Variants in ZUP1 observed in about 807,000 individuals in gnomAD.
ZUP1 encodes zinc finger-containing ubiquitin peptidase 1.
Under a neutral mutation model 68.1 loss-of-function variants are expected in ZUP1, and 55 were observed. The observed-to-expected ratio is 0.81, with a 90% CI of 0.65 to 1.01. The LOEUF is 1.01. Ranked by LOEUF, ZUP1 falls within the 50% of genes least tolerant of loss-of-function variation. The probability of loss-of-function intolerance (pLI) is 0.00; values close to 1 mark genes in which losing one functional copy is unlikely to be tolerated. For synonymous variants in ZUP1, 223 were observed against 221.5 expected (o/e 1.01, Z -0.06); for missense variants, 684 against 674.9 (o/e 1.01, Z -0.15).
intron 7 of ZUP1, among the ~76,000 whole-genome samples, chr6:116,650,218 T>G (rs1415116037): frequency 6.7e-6 from 1 of 150,180 alleles, no homozygotes; most frequent in African/African-American, 2.5e-5. Context: ...TGGTCAAGAG[T>G]TGAGACCAGC....
chr6:116,638,834 C>T (rs900784450), intron 9 of ZUP1, among the ~76,000 whole-genome samples: 5 of 152,100 alleles, frequency 3.3e-5, no homozygotes, highest in African/African-American at 7.2e-5. Flanking sequence ...AGACAGTGGG[C>T]GCAGGACAGT....
chr6:116,660,663 ATC>A (rs1491082491), intron 3 of ZUP1, 71 bp downstream of exon 3: 11 of 781,212 alleles, frequency 1.4e-5, no homozygotes, highest in Middle Eastern at 2.7e-4. Flanking sequence ...CATATCACAA[ATC>A]TAAAAATTAG....
intron 7 of ZUP1, among the ~76,000 whole-genome samples, chr6:116,650,849 G>T (rs1156315122): frequency 1.3e-5 from 2 of 152,082 alleles, no homozygotes; most frequent in Non-Finnish European, 2.9e-5. Flanking sequence ...ATTATGATGG[G>T]CTAAGAGAAG....
In ZUP1 at chr6:116,651,586, G is replaced by A; in HGVS notation, c.1302C>T (p.Thr434=). The A allele has an allele frequency of 1.2e-6, 2 of 1,612,268 alleles. No individual in the cohort carries two copies. Among genetic ancestry groups the A allele is most frequent in the Non-Finnish European group, 1.7e-6 (2 of 1,179,140 alleles). ...AAGGTACATACTTTACCCTTAGGGA[G>A]GTCAGGAGTATATATACTTCACATG... ...IGACEVYILL[T]SLRVKCHIVD... The change falls in exon 7 of 10, where the codon ACC becomes ACT. Residue 434 remains threonine (T), a synonymous_variant. Coordinates refer to ENST00000368576, the MANE Select transcript of ZUP1 (RefSeq NM_145062.3).
intron 8 of ZUP1, among the ~76,000 whole-genome samples, chr6:116,646,507 T>G (rs1776314331): frequency 6.6e-6 from 1 of 152,292 alleles, no homozygotes; most frequent in Middle Eastern, 3.4e-3. Flanking sequence ...GAACTTATAT[T>G]CTAATAGGAA....
intron 4 of ZUP1, among the ~76,000 whole-genome samples, chr6:116,658,569 G>A (rs561775321): frequency 3.9e-5 from 6 of 152,280 alleles, no homozygotes; most frequent in East Asian, 1.9e-4. Context: ...AAAAGGGGGC[G>A]TGGGAGGGCC....
chr6:116,637,242 G>A (rs1310758171), intron 9 of ZUP1, among the ~76,000 whole-genome samples: 2 of 152,058 alleles, frequency 1.3e-5, no homozygotes, highest in Non-Finnish European at 2.9e-5. Context: ...GCTACCTTAG[G>A]AATACAATTT....
rs545866172 is a variant in ZUP1 at position 116,638,733 on chromosome 6, C to T, written c.1690-2854G>A. 1.4e-4 allele frequency among the ~76,000 whole-genome samples: 22 copies of T among 152,238 alleles called. 1 individual carries two copies. The South Asian group carries it at 3.7e-3, about 26-fold the overall frequency. On this transcript the variant is annotated intron_variant, in intron 9 of 9. Transcript: ENST00000368576. ...CAAGATGGCCGAATAGGAACAGCTC[C>T]GGTCTACAGCTCCCAGCATGAGTGA... is the stretch of plus-strand genomic sequence containing the variant.
At position 116,666,877 on chromosome 6, in the gene ZUP1, T is replaced by C; in HGVS notation, c.316A>G (p.Asn106Asp). 2 of 1,610,648 alleles carry C rather than the reference T, an allele frequency of 1.2e-6. No individual in the cohort carries two copies. Among genetic ancestry groups the C allele is most frequent in the Non-Finnish European group, 1.7e-6 (2 of 1,178,932 alleles). ...ASNHPKNSAQ[N>D]LTKDSTLKHE... ...TTTAAAGTACTATCTTTAGTCAGGT[T>C]TTGAGCTGAATTTTTTGGATGATTA... The change falls in exon 2 of 10, where the codon AAC (asparagine) becomes GAC (aspartate). Residue 106 changes from asparagine (N) to aspartate (D), a missense_variant. Coordinates refer to ENST00000368576, the MANE Select transcript of ZUP1 (RefSeq NM_145062.3).
At position 116,656,746 on chromosome 6, in the gene ZUP1, C is replaced by G. The variant is rs763490869; in HGVS notation, c.899G>C (p.Arg300Thr). ...TAATGATTCCATCATATCAGCTTTT[C>G]TCCTATGAAATTCAGATGGAGGCAT... ...GRMPPSEFHRRKADMMESLAL... is the reference protein window; with the variant it reads ...GRMPPSEFHRTKADMMESLAL... Residue 300 changes from arginine (R) to threonine (T), a missense_variant, in exon 5 of 10, where the codon AGA becomes ACA. Arg to Thr is a moderately conservative substitution (Grantham distance 71, BLOSUM62 -1). Transcript: ENST00000368576. The G allele has an allele frequency of 6.2e-7, 1 of 1,612,064 alleles. No homozygotes were observed. Among genetic ancestry groups the G allele is most frequent in the Non-Finnish European group, 8.5e-7 (1 of 1,179,292 alleles).
intron 2 of ZUP1, among the ~76,000 whole-genome samples, chr6:116,664,961 T>A (rs1325854764): frequency 3.3e-5 from 5 of 152,042 alleles, no homozygotes; most frequent in Admixed American, 2.6e-4. Context: ...TTTTAGAATA[T>A]ATGAGAATAG....
chr6:116,656,495 A>G lies in ZUP1; in HGVS notation c.961+189T>C, dbSNP rs184057846. On this transcript the variant is annotated intron_variant, in intron 5 of 9. Transcript: ENST00000368576. ...CATAGCTTTTTAAATGTCAAGTAAC[A>G]TAATATAAAAGTAAATTTTTAAGTG... 7.9e-5 allele frequency among the ~76,000 whole-genome samples: 12 copies of G among 152,332 alleles called. No homozygotes were observed. The East Asian group carries it at 2.3e-3, about 29-fold the overall frequency.
intron 7 of ZUP1, among the ~76,000 whole-genome samples, chr6:116,650,422 CAAAAAAAAAAAAA>C (rs61692064): frequency 2.1e-5 from 1 of 46,552 alleles, no homozygotes; most frequent in Non-Finnish European, 3.9e-5. Context: ...AACTCCGTCT[CAAAAAAAAAAAAA>C]AAAAAAAAAA....
intron 9 of ZUP1, among the ~76,000 whole-genome samples, chr6:116,643,674 T>A (rs546293792): frequency 3.0e-4 from 45 of 152,274 alleles, no homozygotes; most frequent in African/African-American, 1.1e-3. Context: ...TTACACCTTA[T>A]ACAAAAATTA....
Position 116,656,068 on chromosome 6 carries a change from CTTTTTTTTGTT to C in ZUP1, c.961+605_961+615del, listed in dbSNP as rs528046574. 7.3e-3 allele frequency among the ~76,000 whole-genome samples: 959 copies of C among 130,768 alleles called. 13 individuals carry two copies. Among genetic ancestry groups the C allele is most frequent in the African/African-American group, 0.028 (935 of 33,142 alleles). The allele number at this position is 130,768 out of a possible 152,430, so 85.8% of individuals were successfully genotyped here. ...AATTAACTTCCCCTGTTCCTTTTCACTTTTTTTTGTTTTTTTTTTGTTTTTTTTGAGATGGA... is the reference window on the plus strand; with the variant it reads ...AATTAACTTCCCCTGTTCCTTTTCACTTTTTTTTGTTTTTTTTGAGATGGA... On this transcript the variant is annotated intron_variant, in intron 5 of 9. Coordinates refer to ENST00000368576, the MANE Select transcript of ZUP1 (RefSeq NM_145062.3).
chr6:116,644,858 TA>T (rs1484285753), intron 9 of ZUP1, among the ~76,000 whole-genome samples: 1 of 149,342 alleles, frequency 6.7e-6, no homozygotes, highest in African/African-American at 2.5e-5. Flanking sequence ...TAATAATAAA[TA>T]ATAAAAAAAG....
At position 116,666,872 on chromosome 6, in the gene ZUP1, C is replaced by T. The variant is rs2114303305; in HGVS notation, c.321G>A (p.Leu107=). 6.2e-7 allele frequency: 1 copy of T among 1,609,980 alleles called. No individual in the cohort carries two copies. Among genetic ancestry groups the T allele is most frequent in the East Asian group, 2.2e-5 (1 of 44,804 alleles). The change falls in exon 2 of 10, where the codon CTG becomes CTA. Residue 107 remains leucine (L), a synonymous_variant. Transcript: ENST00000368576. ...SNHPKNSAQN[L]TKDSTLKHEG... is the part of the protein sequence containing the mutation. ...CATGTTTTAAAGTACTATCTTTAGT[C>T]AGGTTTTGAGCTGAATTTTTTGGAT...
At chr6:116,661,665 T>C (rs1164788088) in intron 2 of ZUP1, among the ~76,000 whole-genome samples, 4 of 152,210 alleles carry the variant, frequency 2.6e-5, no homozygotes, top group South Asian at 2.1e-4. Flanking sequence ...ATAAGGGACA[T>C]AGAAGAGGGA....
Position 116,666,805 on chromosome 6 carries a change from G to T in ZUP1, c.388C>A (p.Leu130Met). ...SENLTESRKF[L>M]KSREKQSSLT... ...CTGGACTGTTTTTCCCTACTTTTCA[G>T]GAATTTTCTAGATTCAGTTAAGTTC... Residue 130 changes from leucine (L) to methionine (M), a missense_variant, in exon 2 of 10, where the codon CTG becomes ATG. Coordinates refer to ENST00000368576, the MANE Select transcript of ZUP1 (RefSeq NM_145062.3). 6.2e-7 allele frequency: 1 copy of T among 1,613,198 alleles called. No homozygotes were observed.
Sources: gnomAD v4.1 joint callset for allele counts (sites outside exome capture counted in the v4.1 genomes callset) on GRCh38, gnomAD v4.1.1 for gene constraint, MANE v1.5 for transcripts, NCBI Gene and HGNC (gene_info 2026-07-23, HGNC 2026-07-21) for gene names.